The following SPIRE1 variants were observed in gnomAD, a reference collection of about 807,000 sequenced individuals.
The protein encoded by SPIRE1 is spire type actin nucleation factor 1, also known as protein spire homolog 1.
Under a neutral mutation model 94.1 loss-of-function variants are expected in SPIRE1, and 40 were observed. The ratio of observed to expected loss-of-function variants is 0.43; its 90% CI spans 0.33 to 0.55. The LOEUF (loss-of-function observed/expected upper bound fraction) is 0.55. Among genes scored for constraint, SPIRE1 ranks in the 20% least tolerant of loss-of-function variants. The probability of loss-of-function intolerance (pLI) is 0.06; values close to 1 mark genes in which losing one functional copy is unlikely to be tolerated. For synonymous variants in SPIRE1, 376 were observed against 371.7 expected (o/e 1.01, Z -0.13); for missense variants, 838 against 975.2 (o/e 0.86, Z 1.87).
chr18:12,655,782 G>A (rs1018839649), intron 1 of SPIRE1, among the ~76,000 whole-genome samples: 1 of 152,130 alleles, frequency 6.6e-6, no homozygotes, highest in Non-Finnish European at 1.5e-5. Flanking sequence ...TAAGTGACAA[G>A]ACAATGTAAA....
chr18:12,511,162 G>C (rs886387909), intron 5 of SPIRE1, among the ~76,000 whole-genome samples: 3 of 152,152 alleles, frequency 2.0e-5, no homozygotes, highest in African/African-American at 7.2e-5. Context: ...ACTTAATTCT[G>C]AAAACATAGC....
chr18:12,490,125 G>A (rs1025999907), intron 8 of SPIRE1, among the ~76,000 whole-genome samples: 4 of 152,152 alleles, frequency 2.6e-5, no homozygotes, highest in African/African-American at 9.7e-5. Context: ...AATTCTAGAA[G>A]TAACACTCTC....
intron 3 of SPIRE1, among the ~76,000 whole-genome samples, chr18:12,546,279 G>A (rs1472002167): frequency 1.3e-5 from 2 of 151,984 alleles, no homozygotes; most frequent in Admixed American, 6.6e-5. Flanking sequence ...GTGAGCCATC[G>A]CGCCCAGCCT....
intron 2 of SPIRE1, among the ~76,000 whole-genome samples, chr18:12,580,285 G>A (rs1598492288): frequency 6.6e-6 from 1 of 152,044 alleles, no homozygotes; most frequent in African/African-American, 2.4e-5. Context: ...GGAAAGGTTT[G>A]AAATAGTATC....
At chr18:12,632,388 C>A (rs2037807159) in intron 2 of SPIRE1, among the ~76,000 whole-genome samples, 2 of 152,140 alleles carry the variant, frequency 1.3e-5, no homozygotes, top group Non-Finnish European at 2.9e-5. Context: ...CGTCTCTAAC[C>A]TAAAACGCAA....
intron 4 of SPIRE1, among the ~76,000 whole-genome samples, chr18:12,516,750 C>T (rs2144065065): frequency 6.6e-6 from 1 of 152,274 alleles, no homozygotes; most frequent in East Asian, 1.9e-4. Flanking sequence ...TCAATCCAAA[C>T]TCTTTTGCTT....
At chr18:12,488,149 C>T (rs1423167039) in intron 8 of SPIRE1, among the ~76,000 whole-genome samples, 3 of 152,216 alleles carry the variant, frequency 2.0e-5, no homozygotes, top group Non-Finnish European at 4.4e-5. Context: ...CAAAGCAATG[C>T]CTCACTGAAT....
intron 4 of SPIRE1, among the ~76,000 whole-genome samples, chr18:12,525,913 G>A (rs2034506756): frequency 6.6e-6 from 1 of 152,156 alleles, no homozygotes; most frequent in African/African-American, 2.4e-5. Context: ...CTCATTAGGG[G>A]TGTTACAGAG....
intron 11 of SPIRE1, 62 bp downstream of exon 11, chr18:12,464,806 T>TAG (rs2032019944): frequency 7.1e-7 from 1 of 1,403,738 alleles, no homozygotes; most frequent in Non-Finnish European, 1.0e-6. Flanking sequence ...ATCTCTGCTC[T>TAG]AGGTCAAGTG....
chr18:12,621,570 A>C (rs1261109659), intron 2 of SPIRE1, among the ~76,000 whole-genome samples: 2 of 152,246 alleles, frequency 1.3e-5, no homozygotes, highest in African/African-American at 2.4e-5. Context: ...CATGTATGAC[A>C]TGGATGAACC....
chr18:12,492,100 A>G (rs1359121400), intron 8 of SPIRE1, among the ~76,000 whole-genome samples: 6 of 152,176 alleles, frequency 3.9e-5, no homozygotes. Flanking sequence ...ATTTTTACAG[A>G]TCTGCAATGT....
At chr18:12,549,090 C>A (rs957288186) in intron 2 of SPIRE1, among the ~76,000 whole-genome samples, 19 of 152,142 alleles carry the variant, frequency 1.2e-4, no homozygotes, top group African/African-American at 4.6e-4. Flanking sequence ...GCTCTCACAG[C>A]ATGTACCATT....
chr18:12,548,971 T>C (rs17615991), intron 2 of SPIRE1, among the ~76,000 whole-genome samples: 9,617 of 152,280 alleles, frequency 0.063, 437 homozygotes, highest in Non-Finnish European at 0.093. Context: ...GGCAATTGAC[T>C]ACTTTAGTTA....
rs1383809458 is a variant in SPIRE1 at position 12,539,587 on chromosome 18, G to GCGCA, written c.604-3987_604-3986insTGCG. 3.6e-5 allele frequency among the ~76,000 whole-genome samples: 5 copies of GCGCA among 139,102 alleles called. No individual in the cohort carries two copies. The South Asian group carries it at 9.4e-4, about 26-fold the overall frequency. The allele number at this position is 139,102 out of a possible 152,430, so 91.3% of individuals were successfully genotyped here. ...CTTAAACATACACATACACACACAC[G>GCGCA]CACACACACACACACACACACACAC... On this transcript the variant is annotated intron_variant, in intron 3 of 16. Coordinates refer to ENST00000409402, the MANE Select transcript of SPIRE1 (RefSeq NM_001128626.2).
intron 1 of SPIRE1, among the ~76,000 whole-genome samples, chr18:12,656,119 G>A (rs551239238): frequency 6.6e-6 from 1 of 152,158 alleles, no homozygotes; most frequent in East Asian, 1.9e-4. Context: ...GGCTGGTCTC[G>A]AACTCCTGAC....
chr18:12,576,182 G>T (rs1034678486), intron 2 of SPIRE1, among the ~76,000 whole-genome samples: 9 of 149,704 alleles, frequency 6.0e-5, no homozygotes, highest in African/African-American at 2.2e-4. Context: ...CAGCCTGGGC[G>T]ATATAGTGAG....
intron 9 of SPIRE1, among the ~76,000 whole-genome samples, chr18:12,482,075 A>C (rs979714284): frequency 2.0e-5 from 3 of 152,204 alleles, no homozygotes; most frequent in Non-Finnish European, 4.4e-5. Context: ...CAATCGACAA[A>C]GCCAGAGTTT....
At chr18:12,513,616 C>T (rs1316005907) in intron 4 of SPIRE1, among the ~76,000 whole-genome samples, 2 of 151,392 alleles carry the variant, frequency 1.3e-5, no homozygotes, top group Admixed American at 6.6e-5. Context: ...CTCTACCTCC[C>T]GGATTCAAGC....
chr18:12,573,980 C>T (rs1030522674), intron 2 of SPIRE1, among the ~76,000 whole-genome samples: 6 of 152,158 alleles, frequency 3.9e-5, no homozygotes, highest in Non-Finnish European at 8.8e-5. Context: ...ACCTCATGAT[C>T]CACCCACCTC....
Sources: gnomAD v4.1 joint callset for allele counts (sites outside exome capture counted in the v4.1 genomes callset) on GRCh38, gnomAD v4.1.1 for gene constraint, MANE v1.5 for transcripts, NCBI Gene and HGNC (gene_info 2026-07-23, HGNC 2026-07-21) for gene names.